Variants in PAK5 observed in about 807,000 individuals in gnomAD.
PAK5 encodes p21 (RAC1) activated kinase 5, also known as serine/threonine-protein kinase PAK 5.
Under a neutral mutation model 65.9 loss-of-function variants are expected in PAK5, and 16 were observed. That is an observed-to-expected ratio of 0.24 (90% CI 0.16 to 0.37). The LOEUF is 0.37. Ranked by LOEUF, PAK5 falls within the 10% of genes least tolerant of loss-of-function variation. PAK5 has a pLI of 1.00. For synonymous variants in PAK5, 371 were observed against 354.9 expected, an observed-to-expected ratio of 1.05 and a Z score of -0.51; for missense variants, 785 against 903.9, an observed-to-expected ratio of 0.87 and a Z score of 1.69.
In PAK5 at chr20:9,603,985, C is replaced by T. The variant is rs116424905; in HGVS notation, c.205-23055G>A. On this transcript the variant is annotated intron_variant, in intron 3 of 9. Coordinates refer to ENST00000353224, the MANE Select transcript of PAK5 (RefSeq NM_177990.4). ...TTTACATATATTTTCAAATTTAATCCGCTAAAAAATCCTATAAGATTGGCA... is the reference window on the plus strand; with the variant it reads ...TTTACATATATTTTCAAATTTAATCTGCTAAAAAATCCTATAAGATTGGCA... Among the ~76,000 whole-genome samples the T allele has an allele frequency of 4.0e-3, 614 of 152,200 alleles. 3 individuals are homozygous for T. Among genetic ancestry groups the T allele is most frequent in the African/African-American group, 0.014 (587 of 41,518 alleles).
chr20:9,674,297 T>C (rs1487801948), intron 2 of PAK5, among the ~76,000 whole-genome samples: 4 of 152,212 alleles, frequency 2.6e-5, no homozygotes, highest in Middle Eastern at 3.4e-3. Context: ...GAGTCTCTGA[T>C]TACTAAGATA....
chr20:9,558,964 CA>C (rs1451431899), intron 6 of PAK5, among the ~76,000 whole-genome samples: 1 of 152,164 alleles, frequency 6.6e-6, no homozygotes, highest in Non-Finnish European at 1.5e-5. Context: ...ATTCAAACCC[CA>C]CCTCTTTTTT....
chr20:9,569,918 G>C (rs1480907550), intron 4 of PAK5, among the ~76,000 whole-genome samples: 1 of 152,020 alleles, frequency 6.6e-6, no homozygotes. Flanking sequence ...GCAGGAACCA[G>C]GGTAGCTGCT....
chr20:9,676,375 A>G (rs900828438), intron 2 of PAK5, among the ~76,000 whole-genome samples: 2 of 152,206 alleles, frequency 1.3e-5, no homozygotes, highest in Non-Finnish European at 1.5e-5. Context: ...ATACTAAAAT[A>G]TTACACTTGA....
At chr20:9,749,932 G>A (rs2048555326) in intron 1 of PAK5, among the ~76,000 whole-genome samples, 1 of 152,268 alleles carries the variant, frequency 6.6e-6, no homozygotes, top group South Asian at 2.1e-4. Flanking sequence ...CAGATTTTGA[G>A]CGTCACTGCC....
At chr20:9,741,563 G>A (rs1255677342) in intron 1 of PAK5, among the ~76,000 whole-genome samples, 2 of 152,060 alleles carry the variant, frequency 1.3e-5, no homozygotes, top group Admixed American at 6.6e-5. Flanking sequence ...CAAGCTACTT[G>A]ACCCCTTTTA....
At chr20:9,597,371 A>G (rs2046289370) in intron 3 of PAK5, among the ~76,000 whole-genome samples, 1 of 152,254 alleles carries the variant, frequency 6.6e-6, no homozygotes, top group Non-Finnish European at 1.5e-5. Flanking sequence ...AACTGTATGC[A>G]TGAACTGAGG....
rs142632048 is a variant in PAK5, at chr20:9,732,998, CTTTG to C, written c.-161-21567_-161-21564del. On this transcript the variant is annotated intron_variant, in intron 1 of 9. Coordinates refer to ENST00000353224, the MANE Select transcript of PAK5 (RefSeq NM_177990.4). ...TTGGAACTAGCTGATAAACATAACA[CTTTG>C]TTTGTATTTTACTGGACACTAATTT... Among the ~76,000 whole-genome samples, 830 of 152,284 alleles carry C rather than the reference CTTTG, an allele frequency of 5.5e-3. 9 individuals are homozygous for C. The highest frequency in any genetic ancestry group is 0.019 in the African/African-American group (773 of 41,560).
intron 3 of PAK5, among the ~76,000 whole-genome samples, chr20:9,594,688 C>T (rs2046232177): frequency 1.3e-5 from 2 of 152,162 alleles, no homozygotes; most frequent in Admixed American, 1.3e-4. Context: ...CTCCTTTCTC[C>T]CATACTTTCC....
chr20:9,826,610 T>C (rs1160850693), intron 1 of PAK5, among the ~76,000 whole-genome samples: 1 of 152,202 alleles, frequency 6.6e-6, no homozygotes. Flanking sequence ...CGCAAATATA[T>C]CTGACTAGAA....
chr20:9,618,680 T>C, intron 3 of PAK5, among the ~76,000 whole-genome samples: 1 of 151,906 alleles, frequency 6.6e-6, no homozygotes, highest in East Asian at 1.9e-4. Flanking sequence ...CCCAAAGTGC[T>C]GGGATTACAG....
intron 1 of PAK5, among the ~76,000 whole-genome samples, chr20:9,833,117 T>A (rs1173579609): frequency 3.3e-5 from 5 of 152,248 alleles, no homozygotes; most frequent in Non-Finnish European, 4.4e-5. Flanking sequence ...TATAAACTTA[T>A]CAATTTATGT....
chr20:9,683,653 G>A (rs1437061852), intron 2 of PAK5, among the ~76,000 whole-genome samples: 1 of 152,190 alleles, frequency 6.6e-6, no homozygotes, highest in Non-Finnish European at 1.5e-5. Flanking sequence ...GGTAGATGAT[G>A]TGAGAGCAGG....
At chr20:9,835,754 T>A (rs1045933717) in intron 1 of PAK5, among the ~76,000 whole-genome samples, 8 of 152,172 alleles carry the variant, frequency 5.3e-5, no homozygotes, top group African/African-American at 1.9e-4. Context: ...ATGATGGTTT[T>A]AAATGTGGAG....
chr20:9,706,471 CTTTTTTT>C (rs34420250), intron 2 of PAK5, among the ~76,000 whole-genome samples: 2 of 125,412 alleles, frequency 1.6e-5, no homozygotes, highest in Non-Finnish European at 3.4e-5. Flanking sequence ...TCTACAAACT[CTTTTTTT>C]TTTTTTTTTT....
intron 1 of PAK5, among the ~76,000 whole-genome samples, chr20:9,802,812 T>A (rs2049184442): frequency 6.7e-6 from 1 of 149,780 alleles, no homozygotes; most frequent in Non-Finnish European, 1.5e-5. Context: ...GATGCCAAAA[T>A]ATTGGTTAAA....
intron 1 of PAK5, among the ~76,000 whole-genome samples, chr20:9,816,708 T>C (rs2049361403): frequency 6.6e-6 from 1 of 152,314 alleles, no homozygotes; most frequent in South Asian, 2.1e-4. Flanking sequence ...ACTGGGTCTT[T>C]AGCTTGCAGA....
intron 2 of PAK5, among the ~76,000 whole-genome samples, chr20:9,662,512 A>G (rs1379360891): frequency 1.3e-5 from 2 of 152,122 alleles, no homozygotes; most frequent in African/African-American, 4.8e-5. Flanking sequence ...TAGCATGTGC[A>G]CAGAAGTGAA....
intron 7 of PAK5, among the ~76,000 whole-genome samples, chr20:9,553,406 A>G (rs1453842144): frequency 6.6e-6 from 1 of 152,098 alleles, no homozygotes; most frequent in Non-Finnish European, 1.5e-5. Flanking sequence ...TTTTGCACCA[A>G]CCTATTATAA....
Sources: gnomAD v4.1 joint callset for allele counts (sites outside exome capture counted in the v4.1 genomes callset) on GRCh38, gnomAD v4.1.1 for gene constraint, MANE v1.5 for transcripts, NCBI Gene and HGNC (gene_info 2026-07-23, HGNC 2026-07-21) for gene names.